The following PCDH7 variants were observed in gnomAD, a reference collection of about 807,000 sequenced individuals.
The protein encoded by PCDH7 is protocadherin-7.
In PCDH7, 17 loss-of-function variants were observed where a neutral mutation model predicts 58.9. The observed-to-expected ratio is 0.29, with a 90% CI of 0.20 to 0.43. The LOEUF (loss-of-function observed/expected upper bound fraction) is 0.43, where lower values mean the gene tolerates loss of function less well. Ranked by LOEUF, PCDH7 falls within the 20% of genes least tolerant of loss-of-function variation. The pLI is 1.00. For synonymous variants in PCDH7, 664 were observed against 616.4 expected (o/e 1.08, Z -1.14); for missense variants, 1,274 against 1,441.0 (o/e 0.88, Z 1.88).
chr4:30,941,501 A>G (rs1241584141), intron 2 of PCDH7, among the ~76,000 whole-genome samples: 2 of 151,998 alleles, frequency 1.3e-5, no homozygotes, highest in East Asian at 3.8e-4. Context: ...CAGAATTGAC[A>G]ACTGTTGTTT....
rs1190514829 is a variant in PCDH7 at position 30,797,355 on chromosome 4, T to C, written c.70+72759T>C. 4.0e-5 allele frequency among the ~76,000 whole-genome samples: 6 copies of C among 149,132 alleles called. No individual in the cohort carries two copies. The Admixed American group carries it at 4.0e-4, about 10-fold the overall frequency. ...TGGCTCCATCTCAGCTCACTGCAAG[T>C]TCCGCCTCCCGGGTTCACACCTTTC... On this transcript the variant is annotated intron_variant, in intron 1 of 3. Transcript: ENST00000509759.
intron 1 of PCDH7, among the ~76,000 whole-genome samples, chr4:30,839,942 T>G (rs1239469893): frequency 2.6e-5 from 4 of 152,048 alleles, no homozygotes; most frequent in African/African-American, 9.7e-5. Flanking sequence ...CTTTTTCCAT[T>G]GCCAAAGCCC....
intron 1 of PCDH7, among the ~76,000 whole-genome samples, chr4:30,896,889 C>CCTT (rs1739467133): frequency 3.7e-5 from 1 of 27,348 alleles, no homozygotes; most frequent in East Asian, 1.4e-3. Flanking sequence ...TAGTTCTTTG[C>CCTT]TTTTTTTTTT....
At chr4:30,896,774 AAC>A (rs1328217269) in intron 1 of PCDH7, among the ~76,000 whole-genome samples, 3 of 151,898 alleles carry the variant, frequency 2.0e-5, no homozygotes, top group East Asian at 1.9e-4. Flanking sequence ...TTAAAGAAAA[AAC>A]ACACAAATTA....
chr4:30,860,736 G>T (rs1029829595), intron 1 of PCDH7, among the ~76,000 whole-genome samples: 1 of 152,026 alleles, frequency 6.6e-6, no homozygotes, highest in Non-Finnish European at 1.5e-5. Context: ...TTAATGTGAA[G>T]GTACTAGGAT....
At chr4:30,983,976 C>T (rs1750770877) in intron 3 of PCDH7, among the ~76,000 whole-genome samples, 1 of 152,176 alleles carries the variant, frequency 6.6e-6, no homozygotes, top group South Asian at 2.1e-4. Context: ...CCACACTTCT[C>T]TGTAGTAAAT....
intron 1 of PCDH7, among the ~76,000 whole-genome samples, chr4:30,894,526 C>T (rs1355769532): frequency 0.015 from 1,218 of 82,540 alleles, 8 homozygotes; most frequent in African/African-American, 0.022. Context: ...TACACACACA[C>T]ACACACACAC....
intron 1 of PCDH7, among the ~76,000 whole-genome samples, chr4:30,827,678 T>C (rs924667566): frequency 1.3e-5 from 2 of 152,172 alleles, no homozygotes; most frequent in African/African-American, 4.8e-5. Flanking sequence ...ACATAGACAG[T>C]TGTGCATGCA....
At chr4:31,032,591 G>C (rs2109188870) in intron 3 of PCDH7, among the ~76,000 whole-genome samples, 1 of 140,750 alleles carries the variant, frequency 7.1e-6, no homozygotes, top group South Asian at 2.4e-4. Context: ...CTGGGTGATA[G>C]AGTCAGATTC....
intron 1 of PCDH7, among the ~76,000 whole-genome samples, chr4:30,857,141 A>G (rs557655677): frequency 6.6e-6 from 1 of 152,064 alleles, no homozygotes; most frequent in Non-Finnish European, 1.5e-5. Context: ...TCTTGTTTGA[A>G]TCTCATGGCA....
intron 1 of PCDH7, among the ~76,000 whole-genome samples, chr4:30,792,331 T>C (rs1724226046): frequency 6.6e-6 from 1 of 151,892 alleles, no homozygotes; most frequent in South Asian, 2.1e-4. Context: ...CATAGTATCA[T>C]GTGTGAAAAT....
chr4:30,856,752 A>G lies in PCDH7; in HGVS notation c.71-63401A>G, dbSNP rs556512013. 7.1e-4 allele frequency among the ~76,000 whole-genome samples: 108 copies of G among 151,560 alleles called. 1 individual carries two copies. Among genetic ancestry groups the G allele is most frequent in the African/African-American group, 2.6e-3 (107 of 41,492 alleles). On this transcript the variant is annotated intron_variant, in intron 1 of 3. Transcript: ENST00000509759. ...CTTTAAACAAGTGTAAGCCAGAACTAAAAGTTATTCAAATAAGATTGCAAA... is the reference window on the plus strand; with the variant it reads ...CTTTAAACAAGTGTAAGCCAGAACTGAAAGTTATTCAAATAAGATTGCAAA...
At chr4:31,070,142 G>A (rs1040456924) in intron 3 of PCDH7, among the ~76,000 whole-genome samples, 1 of 151,954 alleles carries the variant, frequency 6.6e-6, no homozygotes, top group Non-Finnish European at 1.5e-5. Context: ...TTGATACAAA[G>A]TAAATTCTAG....
intron 1 of PCDH7, among the ~76,000 whole-genome samples, chr4:30,825,578 T>G (rs773855248): frequency 1.3e-5 from 2 of 152,156 alleles, no homozygotes; most frequent in Non-Finnish European, 2.9e-5. Context: ...TTATTGATGC[T>G]TCTTGCTTAA....
intron 1 of PCDH7, among the ~76,000 whole-genome samples, chr4:30,874,942 C>A (rs1736107910): frequency 6.6e-6 from 1 of 151,936 alleles, no homozygotes; most frequent in South Asian, 2.1e-4. Flanking sequence ...GGCGCTTATG[C>A]TAACTCTCAG....
intron 1 of PCDH7, among the ~76,000 whole-genome samples, chr4:30,887,039 G>T (rs1310722491): frequency 6.7e-6 from 1 of 149,320 alleles, no homozygotes; most frequent in Non-Finnish European, 1.5e-5. Context: ...TAGATGACGA[G>T]TTAGTGGGTG....
intron 3 of PCDH7, among the ~76,000 whole-genome samples, chr4:30,993,387 T>C (rs1032217163): frequency 6.6e-5 from 10 of 152,196 alleles, no homozygotes; most frequent in African/African-American, 1.7e-4. Flanking sequence ...CCATGCTCCA[T>C]ACGTCTAATG....
chr4:30,861,817 T>A (rs2109354737), intron 1 of PCDH7, among the ~76,000 whole-genome samples: 1 of 152,282 alleles, frequency 6.6e-6, no homozygotes, highest in East Asian at 1.9e-4. Flanking sequence ...CATATTTTGG[T>A]CAGACAGAGG....
At chr4:30,794,924 T>C (rs1288693060) in intron 1 of PCDH7, among the ~76,000 whole-genome samples, 1 of 152,142 alleles carries the variant, frequency 6.6e-6, no homozygotes. Context: ...TTTGGTATGA[T>C]AGTTAAGTGA....
Sources: allele counts gnomAD v4.1 joint callset (sites outside exome capture counted in the v4.1 genomes callset), GRCh38; gene constraint gnomAD v4.1.1; transcripts MANE v1.5; gene names NCBI Gene and HGNC (gene_info 2026-07-23, HGNC 2026-07-21).